ZNF69: variants seen among roughly 807,000 people sequenced by gnomAD.
ZNF69 encodes the protein ZNF3.
In ZNF69, 47 loss-of-function variants were observed where a neutral mutation model predicts 50.9. The ratio of observed to expected loss-of-function variants is 0.92; its 90% CI spans 0.73 to 1.18. The LOEUF (loss-of-function observed/expected upper bound fraction) is 1.18, where lower values mean the gene tolerates loss of function less well. ZNF69 is among the 50% of genes most tolerant of loss of function. The probability of loss-of-function intolerance (pLI) is 0.00; values close to 1 mark genes in which losing one functional copy is unlikely to be tolerated. For synonymous variants in ZNF69, 216 were observed against 223.1 expected, an observed-to-expected ratio of 0.97 and a Z score of 0.29; for missense variants, 717 against 675.1, an observed-to-expected ratio of 1.06 and a Z score of -0.69.
chr19:11,902,670 A>T lies in ZNF69; in HGVS notation c.64-903A>T, dbSNP rs895031471. Reference sequence around the variant, plus strand: ...GCCTGATTTGGGTGGTCCCTGGGGGAGTGTGATTTCCCAGGGGCTCCCCCT... The same window carrying T: ...GCCTGATTTGGGTGGTCCCTGGGGGTGTGTGATTTCCCAGGGGCTCCCCCT... On this transcript the variant is annotated intron_variant, in intron 1 of 3. Coordinates refer to ENST00000429654, the MANE Select transcript of ZNF69 (RefSeq NM_001364730.1). Among the ~76,000 whole-genome samples the T allele has an allele frequency of 1.1e-4, 16 of 149,858 alleles. 1 individual carries two copies. Among genetic ancestry groups the T allele is most frequent in the South Asian group, 2.1e-4 (1 of 4,672 alleles).
the ZNF69 span, among the ~76,000 whole-genome samples, chr19:11,955,925 TTAA>T: frequency 6.6e-6 from 1 of 152,184 alleles, no homozygotes; most frequent in South Asian, 2.1e-4. Flanking sequence ...AATGTCCACC[TTAA>T]TAAGATAATA....
the ZNF69 span, among the ~76,000 whole-genome samples, chr19:11,963,660 C>T: frequency 6.6e-6 from 1 of 152,130 alleles, no homozygotes; most frequent in African/African-American, 2.4e-5. Context: ...TAGCCACAGG[C>T]CCACACCAGC....
downstream of ZNF69, among the ~76,000 whole-genome samples, chr19:11,908,662 A>G (rs1972414354): frequency 1.3e-5 from 2 of 152,238 alleles, no homozygotes; most frequent in Non-Finnish European, 2.9e-5. Flanking sequence ...TCTGGGACAC[A>G]TTTAAAGCAG....
the ZNF69 span, among the ~76,000 whole-genome samples, chr19:11,935,292 A>AGTGGTG: frequency 1.6e-5 from 2 of 123,852 alleles, no homozygotes; most frequent in African/African-American, 6.6e-5. Flanking sequence ...TCTGGAGTGC[A>AGTGGTG]GTGGTGTAAT....
chr19:11,979,401 T>G, the ZNF69 span: 14 of 1,608,034 alleles, frequency 8.7e-6, no homozygotes, highest in Non-Finnish European at 1.0e-5. Context: ...GCCTCACACC[T>G]TCAAATTCAT....
At chr19:11,898,385 CTTTTTTTTTTT>C (rs745487579) in intron 1 of ZNF69, among the ~76,000 whole-genome samples, 1 of 91,874 alleles carries the variant, frequency 1.1e-5, no homozygotes, top group African/African-American at 4.6e-5. Context: ...TTCCTCCTGG[CTTTTTTTTTTT>C]TTTTTTTTTT....
chr19:11,953,762 A>G, the ZNF69 span, among the ~76,000 whole-genome samples: 1 of 152,198 alleles, frequency 6.6e-6, no homozygotes, highest in African/African-American at 2.4e-5. Flanking sequence ...CCAGAGGCCT[A>G]ACACACCCAA....
chr19:11,901,492 T>A (rs1328278446), intron 1 of ZNF69, among the ~76,000 whole-genome samples: 2 of 152,120 alleles, frequency 1.3e-5, no homozygotes, highest in Non-Finnish European at 2.9e-5. Context: ...ATTCTTATGG[T>A]GTTTTGTTTG....
chr19:11,946,497 T>C, the ZNF69 span, among the ~76,000 whole-genome samples: 1 of 152,204 alleles, frequency 6.6e-6, no homozygotes, highest in Non-Finnish European at 1.5e-5. Context: ...CTAACACTGC[T>C]GCTGCCTGTC....
At chr19:11,896,617 G>C (rs1972128424) in intron 1 of ZNF69, among the ~76,000 whole-genome samples, 1 of 152,102 alleles carries the variant, frequency 6.6e-6, no homozygotes, top group Non-Finnish European at 1.5e-5. Flanking sequence ...ATTCAGAAAG[G>C]ATCGACTCTT....
the ZNF69 span, chr19:11,978,765 G>A: frequency 6.2e-6 from 10 of 1,613,928 alleles, no homozygotes; most frequent in Admixed American, 3.3e-5. Context: ...CCACACTGGG[G>A]GAAAGCCATA....
At chr19:11,958,883 A>G in the ZNF69 span, among the ~76,000 whole-genome samples, 1 of 151,900 alleles carries the variant, frequency 6.6e-6, no homozygotes, top group Non-Finnish European at 1.5e-5. Context: ...TTGCTCATTT[A>G]TTTATTTATT....
At chr19:11,974,114 T>C in the ZNF69 span, among the ~76,000 whole-genome samples, 3 of 84,916 alleles carry the variant, frequency 3.5e-5, no homozygotes, top group Non-Finnish European at 7.3e-5. Flanking sequence ...TCTTTCTTTC[T>C]TTCTTTCTTT....
At chr19:11,904,399 G>A (rs1298539235) in intron 3 of ZNF69, among the ~76,000 whole-genome samples, 1 of 152,114 alleles carries the variant, frequency 6.6e-6, no homozygotes. Context: ...ATGACACAGA[G>A]TATTTAGTAT....
chr19:11,896,248 T>G (rs1015812636), intron 1 of ZNF69, among the ~76,000 whole-genome samples: 44 of 143,202 alleles, frequency 3.1e-4, no homozygotes, highest in Middle Eastern at 3.5e-3. Flanking sequence ...AAAAAAAGAT[T>G]CCCTGGTTTC....
chr19:11,979,757 C>G, the ZNF69 span: 4 of 1,581,556 alleles, frequency 2.5e-6, no homozygotes, highest in African/African-American at 1.4e-5. Flanking sequence ...CCCACACCTT[C>G]GAATCCATGG....
At chr19:11,937,614 G>A in the ZNF69 span, among the ~76,000 whole-genome samples, 2 of 149,376 alleles carry the variant, frequency 1.3e-5, no homozygotes, top group Admixed American at 6.7e-5. Flanking sequence ...TCAGCCTCCC[G>A]AGTAACTGAG....
chr19:11,950,355 T>C, the ZNF69 span: 2 of 1,150,768 alleles, frequency 1.7e-6, no homozygotes, highest in Non-Finnish European at 2.5e-6. Context: ...CTTTTCGATA[T>C]CATGAAAGGA....
the ZNF69 span, chr19:11,956,441 A>G: frequency 5.0e-6 from 2 of 396,446 alleles, no homozygotes; most frequent in Non-Finnish European, 4.4e-6. Context: ...CCAGCCTATA[A>G]TAAACCGAGT....
Sources: allele counts gnomAD v4.1 joint callset (sites outside exome capture counted in the v4.1 genomes callset), GRCh38; gene constraint gnomAD v4.1.1; transcripts MANE v1.5; gene names NCBI Gene and HGNC (gene_info 2026-07-23, HGNC 2026-07-21).